MCTP2: variants seen among roughly 807,000 people sequenced by gnomAD.
The protein encoded by MCTP2 is multiple C2 and transmembrane domain-containing protein 2.
Under a neutral mutation model 111.6 loss-of-function variants are expected in MCTP2, and 132 were observed. The ratio of observed to expected loss-of-function variants is 1.18; its 90% CI spans 1.03 to 1.37. The LOEUF (loss-of-function observed/expected upper bound fraction) is 1.37, where lower values mean the gene tolerates loss of function less well. Ranked by LOEUF, MCTP2 falls within the 40% of genes most tolerant of loss-of-function variation. The pLI is 0.00. For synonymous variants in MCTP2, 395 were observed against 387.7 expected, an observed-to-expected ratio of 1.02 and a Z score of -0.22; for missense variants, 1,183 against 1,067.9, an observed-to-expected ratio of 1.11 and a Z score of -1.50.
At chr15:94,458,628 ATGCCTTG>A (rs2084989245) in intron 20 of MCTP2, among the ~76,000 whole-genome samples, 1 of 152,220 alleles carries the variant, frequency 6.6e-6, no homozygotes, top group Non-Finnish European at 1.5e-5. Flanking sequence ...AACTTAGTAA[ATGCCTTG>A]AGTAACTTTT....
chr15:94,352,587 C>T (rs374703424), intron 8 of MCTP2, among the ~76,000 whole-genome samples: 197 of 152,328 alleles, frequency 1.3e-3, no homozygotes, highest in Non-Finnish European at 2.1e-3. Flanking sequence ...TTCACTATCT[C>T]TTGGCGTCTG....
intron 1 of MCTP2, among the ~76,000 whole-genome samples, chr15:94,241,783 C>CT (rs1469291538): frequency 6.7e-6 from 1 of 150,164 alleles, no homozygotes; most frequent in African/African-American, 2.5e-5. Context: ...GGCATACCCA[C>CT]TTTAAAAAAA....
chr15:94,303,735 A>G (rs1175747722), intron 2 of MCTP2, among the ~76,000 whole-genome samples: 3 of 152,100 alleles, frequency 2.0e-5, no homozygotes, highest in African/African-American at 7.2e-5. Flanking sequence ...GAGCAAACTT[A>G]CTTCATATTC....
intron 14 of MCTP2, among the ~76,000 whole-genome samples, chr15:94,388,324 G>C (rs561470773): frequency 3.3e-5 from 5 of 152,252 alleles, no homozygotes; most frequent in African/African-American, 1.2e-4. Flanking sequence ...GGCTGCTGCT[G>C]TTCACTCTGT....
Position 94,298,300 on chromosome 15 carries a change from TA to T in MCTP2, c.39del (p.Lys13AsnfsTer8), listed in dbSNP as rs1167332063. ...DLDKPSVWGS[L>X]KQRTRPLLIN... ...GATAAACCATCTGTTTGGGGCTCAT[TA>T]AAACAGCGGACCAGGCCATTGTTGA... On this transcript the variant is annotated frameshift_variant, in exon 2 of 23. Coordinates refer to ENST00000357742, the MANE Select transcript of MCTP2 (RefSeq NM_001385001.1). LOFTEE classifies it high-confidence loss of function. 1 of 1,613,788 alleles carries T rather than the reference TA, an allele frequency of 6.2e-7. No homozygotes were observed. Among genetic ancestry groups the T allele is most frequent in the Non-Finnish European group, 8.5e-7 (1 of 1,179,852 alleles).
chr15:94,314,859 G>A (rs1031899909), intron 3 of MCTP2: 8 of 443,374 alleles, frequency 1.8e-5, no homozygotes, highest in South Asian at 9.7e-5. Context: ...ACTGAGTTGC[G>A]GGAAGGTGAG....
At chr15:94,359,368 C>G (rs1345078322) in intron 10 of MCTP2, among the ~76,000 whole-genome samples, 1 of 152,150 alleles carries the variant, frequency 6.6e-6, no homozygotes, top group Non-Finnish European at 1.5e-5. Context: ...TTTTCAAACA[C>G]CAAGTAGTTT....
rs935452890 is a variant in MCTP2 at position 94,319,364 on chromosome 15, G to C, written c.637+3727G>C. ...ATTATTTTCTACAAAACCCAACCCAGACTCAGAAGTTTTATCTAACACAAT... is the reference window on the plus strand; with the variant it reads ...ATTATTTTCTACAAAACCCAACCCACACTCAGAAGTTTTATCTAACACAAT... On this transcript the variant is annotated intron_variant, in intron 4 of 22. Coordinates refer to ENST00000357742, the MANE Select transcript of MCTP2 (RefSeq NM_001385001.1). Among the ~76,000 whole-genome samples, 6 of 152,140 alleles carry C rather than the reference G, an allele frequency of 3.9e-5. No homozygotes were observed. In the South Asian group the frequency reaches 6.2e-4, roughly 16 times the overall value.
At chr15:94,426,141 TGA>T (rs10603478) in intron 17 of MCTP2, among the ~76,000 whole-genome samples, 85,507 of 140,652 alleles carry the variant, frequency 0.61, 25,450 homozygotes, top group East Asian at 0.94. Context: ...AGAGAGAGAT[TGA>T]GAGAGAGAGA....
At chr15:94,389,014 G>A (rs552803118) in intron 14 of MCTP2, among the ~76,000 whole-genome samples, 12 of 152,316 alleles carry the variant, frequency 7.9e-5, no homozygotes, top group African/African-American at 2.9e-4. Context: ...GACTTGAAGA[G>A]TTGGGTAACT....
At chr15:94,284,114 C>T (rs140807159) in intron 1 of MCTP2, among the ~76,000 whole-genome samples, 14 of 152,254 alleles carry the variant, frequency 9.2e-5, no homozygotes, top group East Asian at 3.9e-4. Context: ...AAAATATATG[C>T]GACCTACAAA....
intron 4 of MCTP2, among the ~76,000 whole-genome samples, chr15:94,338,955 G>A (rs545545243): frequency 1.3e-5 from 2 of 152,180 alleles, no homozygotes; most frequent in Non-Finnish European, 2.9e-5. Flanking sequence ...GTTCCTAGGA[G>A]AGGGTGGGCT....
At chr15:94,285,860 A>G (rs959305275) in intron 1 of MCTP2, among the ~76,000 whole-genome samples, 1 of 152,218 alleles carries the variant, frequency 6.6e-6, no homozygotes, top group Non-Finnish European at 1.5e-5. Context: ...TTACTTCTCT[A>G]TTAATGCATT....
At chr15:94,306,553 T>C (rs1230942919) in intron 2 of MCTP2, among the ~76,000 whole-genome samples, 1 of 152,136 alleles carries the variant, frequency 6.6e-6, no homozygotes, top group Non-Finnish European at 1.5e-5. Context: ...AAAAAGTTGA[T>C]CACAAAAGGA....
intron 2 of MCTP2, among the ~76,000 whole-genome samples, chr15:94,301,075 G>C (rs2075586151): frequency 6.6e-6 from 1 of 152,128 alleles, no homozygotes; most frequent in African/African-American, 2.4e-5. Flanking sequence ...TGGATCATTT[G>C]GTTTTTCCCT....
chr15:94,365,307 A>G (rs2079127648), intron 10 of MCTP2, among the ~76,000 whole-genome samples: 1 of 152,218 alleles, frequency 6.6e-6, no homozygotes. Context: ...TGTTGCTCAA[A>G]GGACTCTAAT....
chr15:94,468,049 G>A (rs770518364), intron 20 of MCTP2, among the ~76,000 whole-genome samples: 37 of 151,372 alleles, frequency 2.4e-4, no homozygotes, highest in South Asian at 1.5e-3. Context: ...TTGTTCATGC[G>A]AAAGTTTATA....
intron 1 of MCTP2, among the ~76,000 whole-genome samples, chr15:94,294,764 T>C (rs936816633): frequency 8.5e-5 from 13 of 152,132 alleles, no homozygotes; most frequent in Admixed American, 7.2e-4. Context: ...AAGGGGAATG[T>C]AAGCCTCTCC....
intron 1 of MCTP2, among the ~76,000 whole-genome samples, chr15:94,295,378 G>A (rs1001179380): frequency 1.3e-5 from 2 of 152,064 alleles, no homozygotes; most frequent in Admixed American, 6.5e-5. Context: ...TCTCCATCTC[G>A]ATAGCTCTCA....
Sources: allele counts gnomAD v4.1 joint callset (sites outside exome capture counted in the v4.1 genomes callset), GRCh38; gene constraint gnomAD v4.1.1; transcripts MANE v1.5; gene names NCBI Gene and HGNC (gene_info 2026-07-23, HGNC 2026-07-21).